CPNE4: variants seen among roughly 807,000 people sequenced by gnomAD.
The protein encoded by CPNE4 is copine 4, also known as copine-4.
CPNE4 carries 25 observed loss-of-function variants against 67.9 expected under a neutral mutation model. The ratio of observed to expected loss-of-function variants is 0.37; its 90% CI spans 0.27 to 0.51. The LOEUF is 0.51. CPNE4 is among the 20% of genes least tolerant of loss of function. CPNE4 has a pLI of 0.93. For missense variants in CPNE4, 464 were observed against 690.8 expected, an observed-to-expected ratio of 0.67 and a Z score of 3.68; for synonymous variants, 242 against 244.9, an observed-to-expected ratio of 0.99 and a Z score of 0.11.
chr3:131,755,098 G>T (rs991345583), intron 2 of CPNE4, among the ~76,000 whole-genome samples: 1 of 151,656 alleles, frequency 6.6e-6, no homozygotes, highest in Non-Finnish European at 1.5e-5. Flanking sequence ...TTATTAAAGA[G>T]TAAAATTTAA....
At chr3:131,689,895 C>A (rs902841023) in intron 5 of CPNE4, among the ~76,000 whole-genome samples, 2 of 152,058 alleles carry the variant, frequency 1.3e-5, no homozygotes, top group East Asian at 1.9e-4. Flanking sequence ...AAATCAGTAG[C>A]ATTTCTATAC....
At chr3:131,699,521 T>C (rs1263027509) in intron 4 of CPNE4, among the ~76,000 whole-genome samples, 2 of 152,154 alleles carry the variant, frequency 1.3e-5, no homozygotes, top group South Asian at 2.1e-4. Context: ...ATTTTAATTC[T>C]CAAAATAAAT....
At chr3:131,538,220 G>A (rs1473510535) in intron 15 of CPNE4, among the ~76,000 whole-genome samples, 2 of 152,222 alleles carry the variant, frequency 1.3e-5, no homozygotes, top group African/African-American at 4.8e-5. Context: ...TCCAGTATGG[G>A]AGGTCTTAGT....
intron 1 of CPNE4, among the ~76,000 whole-genome samples, chr3:131,963,905 C>T (rs1204297771): frequency 6.6e-6 from 1 of 152,178 alleles, no homozygotes; most frequent in Non-Finnish European, 1.5e-5. Context: ...TAAGTGGGTC[C>T]CTGACACCCG....
chr3:131,577,700 A>C (rs2107685701), intron 9 of CPNE4, among the ~76,000 whole-genome samples: 1 of 152,274 alleles, frequency 6.6e-6, no homozygotes, highest in South Asian at 2.1e-4. Context: ...AGTGAATGTG[A>C]AGGCCTAGAC....
chr3:132,022,156 G>A (rs1534800), intron 1 of CPNE4, among the ~76,000 whole-genome samples: 36,709 of 152,162 alleles, frequency 0.24, 4,641 homozygotes, highest in East Asian at 0.39. Flanking sequence ...CAGAAGGCAG[G>A]TCTGGTCTTC....
chr3:131,765,144 A>T (rs2082979799), intron 2 of CPNE4, among the ~76,000 whole-genome samples: 1 of 152,102 alleles, frequency 6.6e-6, no homozygotes, highest in Non-Finnish European at 1.5e-5. Context: ...TAGGATTGTT[A>T]TGAGAAGCAA....
At chr3:131,669,644 A>G (rs1285623042) in intron 7 of CPNE4, 31 bp downstream of exon 7, 1 of 1,537,362 alleles carries the variant, frequency 6.5e-7, no homozygotes, top group African/African-American at 1.4e-5. Context: ...TTTTTTTAAA[A>G]AATCACATTT....
intron 7 of CPNE4, among the ~76,000 whole-genome samples, chr3:131,648,003 C>T (rs779626686): frequency 1.3e-5 from 2 of 152,150 alleles, no homozygotes; most frequent in Non-Finnish European, 2.9e-5. Context: ...CTGACAATAT[C>T]ATTTTTCTCC....
Position 131,826,406 on chromosome 3 carries a change from C to A in CPNE4, c.180+78858G>T, listed in dbSNP as rs192724137. On this transcript the variant is annotated intron_variant, in intron 2 of 15. Coordinates refer to ENST00000429747, the MANE Select transcript of CPNE4 (RefSeq NM_130808.3). ...AAAGATGGGGTCTCACTATATTGCC[C>A]AGGCTGCTCTCAAACTCCTAGGCTC... Among the ~76,000 whole-genome samples the A allele has an allele frequency of 4.1e-4, 62 of 152,190 alleles. 1 individual carries two copies. Among genetic ancestry groups the A allele is most frequent in the African/African-American group, 1.5e-3 (62 of 41,548 alleles).
At chr3:131,783,626 T>G (rs772284372) in intron 2 of CPNE4, among the ~76,000 whole-genome samples, 9 of 152,074 alleles carry the variant, frequency 5.9e-5, no homozygotes, top group Admixed American at 3.9e-4. Flanking sequence ...GGTTCAAGCC[T>G]GATTCTCCAG....
At chr3:131,591,208 G>T (rs965165222) in intron 7 of CPNE4, among the ~76,000 whole-genome samples, 1 of 152,110 alleles carries the variant, frequency 6.6e-6, no homozygotes, top group African/African-American at 2.4e-5. Context: ...TGTATTTGAG[G>T]CTCATAACTT....
At chr3:131,974,420 C>T (rs755078371) in intron 1 of CPNE4, among the ~76,000 whole-genome samples, 1 of 152,156 alleles carries the variant, frequency 6.6e-6, no homozygotes, top group Non-Finnish European at 1.5e-5. Context: ...CATGCATGCA[C>T]ATATGTACTG....
intron 2 of CPNE4, among the ~76,000 whole-genome samples, chr3:131,800,630 T>G (rs2084066706): frequency 6.6e-6 from 1 of 152,156 alleles, no homozygotes; most frequent in African/African-American, 2.4e-5. Context: ...GTTGTCCATG[T>G]GCAGGCTGGG....
In CPNE4 at chr3:131,548,016, C is replaced by T. The variant is rs552279417; in HGVS notation, c.1302+1931G>A. ...CTCATGTCACTCAATGACCCAAGCC[C>T]GGAGTAGCTGAAGATGATAATGAGA... On this transcript the variant is annotated intron_variant, in intron 14 of 15. Transcript: ENST00000429747. Among the ~76,000 whole-genome samples the T allele has an allele frequency of 5.9e-5, 9 of 152,224 alleles. No individual in the cohort carries two copies. In the South Asian group the frequency reaches 1.5e-3, roughly 25 times the overall value.
intron 13 of CPNE4, among the ~76,000 whole-genome samples, chr3:131,551,836 AATT>A (rs548374377): frequency 3.8e-4 from 58 of 152,192 alleles, no homozygotes; most frequent in Admixed American, 1.0e-3. Flanking sequence ...TTATTATAAT[AATT>A]ATTATCATAG....
chr3:131,559,432 C>T (rs1192061367), intron 11 of CPNE4, among the ~76,000 whole-genome samples: 3 of 151,698 alleles, frequency 2.0e-5, no homozygotes, highest in African/African-American at 7.3e-5. Flanking sequence ...GGAAAAACAC[C>T]CCATTATCTG....
At chr3:131,942,463 T>TGTGTGTGTGAGAGA (rs2071424814) in intron 1 of CPNE4, among the ~76,000 whole-genome samples, 1 of 70,770 alleles carries the variant, frequency 1.4e-5, no homozygotes, top group African/African-American at 5.0e-5. Context: ...TGTGTGTGTG[T>TGTGTGTGTGAGAGA]GAGAGAGAGA....
intron 1 of CPNE4, among the ~76,000 whole-genome samples, chr3:132,004,277 C>T (rs917848521): frequency 3.9e-5 from 6 of 152,048 alleles, no homozygotes; most frequent in Middle Eastern, 3.4e-3. Context: ...GTGCATTTTT[C>T]GGTATATTTT....
Sources: allele counts gnomAD v4.1 joint callset (sites outside exome capture counted in the v4.1 genomes callset), GRCh38; gene constraint gnomAD v4.1.1; transcripts MANE v1.5; gene names NCBI Gene and HGNC (gene_info 2026-07-23, HGNC 2026-07-21).